CASP8: variants seen among roughly 807,000 people sequenced by gnomAD.
CASP8 encodes caspase 8.
In CASP8, 24 loss-of-function variants were observed where a neutral mutation model predicts 46.3. The observed-to-expected ratio is 0.52, with a 90% CI of 0.38 to 0.73. The LOEUF (loss-of-function observed/expected upper bound fraction) is 0.73. Among genes scored for constraint, CASP8 ranks in the 30% least tolerant of loss-of-function variants. CASP8 has a pLI of 0.00. For missense variants in CASP8, 460 were observed against 559.0 expected (o/e 0.82, Z 1.79); for synonymous variants, 188 against 200.4 (o/e 0.94, Z 0.52).
Position 201,266,450 on chromosome 2 carries a change from T to C in CASP8, c.-26-11T>C. On this transcript the variant is annotated splice_polypyrimidine_tract_variant and intron_variant, in intron 1 of 8. Transcript: ENST00000673742. This position sits in a 1 kb window ranked among gnomAD's most constrained non-coding sequence, Gnocchi z 5.7. Reference sequence around the variant, plus strand: ...CTTCCTTATCTGAACATACCATTTATTTTGACTTAGATTATATTCTCCTGC... The same window carrying C: ...CTTCCTTATCTGAACATACCATTTACTTTGACTTAGATTATATTCTCCTGC... The C allele has an allele frequency of 1.2e-6, 2 of 1,600,288 alleles. No homozygotes were observed. The highest frequency in any genetic ancestry group is 2.2e-5 in the South Asian group (2 of 90,838).
At chr2:201,252,149 C>A (rs1946815527) in intron 2 of CASP8, among the ~76,000 whole-genome samples, 1 of 152,120 alleles carries the variant, frequency 6.6e-6, no homozygotes, top group Non-Finnish European at 1.5e-5. Flanking sequence ...TATTTGCCAT[C>A]TGTATATGTT....
chr2:201,283,998 A>G (rs1949366773), intron 7 of CASP8, among the ~76,000 whole-genome samples: 1 of 11,858 alleles, frequency 8.4e-5, no homozygotes, highest in Admixed American at 3.9e-4. Context: ...CACCTCCCAG[A>G]CAGGGTTGCG....
chr2:201,258,353 C>A, upstream of CASP8: 1 of 1,614,010 alleles, frequency 6.2e-7, no homozygotes, highest in Non-Finnish European at 8.5e-7. Flanking sequence ...GACTCGGAGA[C>A]TGCGATGGTG....
intron 2 of CASP8, chr2:201,241,474 C>T (rs1271977711): frequency 6.6e-6 from 1 of 152,094 alleles, no homozygotes; most frequent in Non-Finnish European, 1.5e-5. Context: ...TTCACAAAAC[C>T]TTCCAATCTA....
chr2:201,278,996 A>T (rs1371061570), intron 7 of CASP8, among the ~76,000 whole-genome samples: 1 of 152,238 alleles, frequency 6.6e-6, no homozygotes, highest in Non-Finnish European at 1.5e-5. Flanking sequence ...GTTGAAAAAA[A>T]AGAGTCGAGG....
chr2:201,270,800 G>T (rs1346557648), intron 2 of CASP8, among the ~76,000 whole-genome samples: 1 of 152,144 alleles, frequency 6.6e-6, no homozygotes, highest in African/African-American at 2.4e-5. Flanking sequence ...CTCCTAATGC[G>T]CTGGAATTAG....
In CASP8 at chr2:201,260,603, G is replaced by GT. The variant is rs1947318448; in HGVS notation, c.-36dup. ...GGCCTGTGACGAAGGTGCTACCATC[G>GT]TGAGAGTAAGGTAAGGATTTGCCTC... On this transcript the variant is annotated 5_prime_UTR_variant, in exon 1 of 9. An upstream open reading frame in the 5' UTR loses its in-frame stop. Transcript: ENST00000673742. The GT allele has an allele frequency of 1.4e-5, 14 of 979,154 alleles. 1 individual carries two copies. The South Asian group carries it at 6.6e-4, about 46-fold the overall frequency. 60.7% of individuals were successfully genotyped at this position (979,154 alleles called of 1,614,324 possible).
upstream of CASP8, among the ~76,000 whole-genome samples, chr2:201,259,456 A>G (rs1947232683): frequency 6.6e-6 from 1 of 152,210 alleles, no homozygotes; most frequent in African/African-American, 2.4e-5. Context: ...GATTACATGC[A>G]TGAGCCACGG....
intron 7 of CASP8, among the ~76,000 whole-genome samples, chr2:201,282,939 C>A (rs1949202496): frequency 2.8e-5 from 2 of 72,158 alleles, no homozygotes; most frequent in African/African-American, 8.4e-5. Flanking sequence ...GCTGGCCAGG[C>A]AGGGGGCTGA....
intron 7 of CASP8, chr2:201,281,742 A>T: frequency 1.4e-6 from 1 of 732,066 alleles, no homozygotes; most frequent in Non-Finnish European, 2.1e-6. Context: ...GTTCAGTAGT[A>T]AGCCTAAATG....
intron 2 of CASP8, among the ~76,000 whole-genome samples, chr2:201,268,998 G>A (rs1948041451): frequency 6.6e-6 from 1 of 150,824 alleles, no homozygotes; most frequent in African/African-American, 2.4e-5. Flanking sequence ...GAGTGCAGTG[G>A]CATGATCTCG....
chr2:201,263,978 C>A (rs149071977), intron 1 of CASP8, among the ~76,000 whole-genome samples: 3 of 152,232 alleles, frequency 2.0e-5, no homozygotes, highest in Non-Finnish European at 4.4e-5. Context: ...TCACACTGCA[C>A]GCCCACATCT....
chr2:201,245,068 G>A (rs1396548680), intron 2 of CASP8, among the ~76,000 whole-genome samples: 2 of 152,222 alleles, frequency 1.3e-5, no homozygotes, highest in Non-Finnish European at 1.5e-5. Flanking sequence ...GCTTGGAGGC[G>A]ATAGAGAGCA....
At chr2:201,273,372 T>C (rs7578261) in intron 5 of CASP8, among the ~76,000 whole-genome samples, 20,248 of 152,254 alleles carry the variant, frequency 0.13, 2,467 homozygotes, top group African/African-American at 0.32. Context: ...CCTGCTCTCC[T>C]AAGACCTGTA....
intron 8 of CASP8, among the ~76,000 whole-genome samples, chr2:201,286,068 T>C (rs1483540442): frequency 6.6e-6 from 1 of 152,200 alleles, no homozygotes; most frequent in Non-Finnish European, 1.5e-5. Context: ...TCACTTGCCT[T>C]AAGTTTAATT....
At chr2:201,281,580 T>G (rs1189079429) in intron 7 of CASP8, among the ~76,000 whole-genome samples, 2 of 150,676 alleles carry the variant, frequency 1.3e-5, no homozygotes, top group African/African-American at 5.0e-5. Flanking sequence ...TTGTATAAGG[T>G]CTTCTAGTTC....
At chr2:201,262,478 A>T (rs561286359) in intron 1 of CASP8, among the ~76,000 whole-genome samples, 1 of 151,990 alleles carries the variant, frequency 6.6e-6, no homozygotes, top group South Asian at 2.1e-4. Context: ...TTTAGCAGAG[A>T]TTATATAAAA....
intron 1 of CASP8, among the ~76,000 whole-genome samples, chr2:201,265,458 C>T (rs1947741236): frequency 6.6e-6 from 1 of 151,948 alleles, no homozygotes; most frequent in African/African-American, 2.4e-5. Context: ...CAAAGACATA[C>T]AGAGGGATAT....
chr2:201,274,867 T>G (rs1179465819), intron 5 of CASP8, 22 bp from the exon 6 acceptor site: 3 of 1,586,818 alleles, frequency 1.9e-6, no homozygotes, highest in Non-Finnish European at 2.6e-6. Flanking sequence ...TCATTCTAGA[T>G]GTGTCTCTTC....
Sources: allele counts gnomAD v4.1 joint callset (sites outside exome capture counted in the v4.1 genomes callset), GRCh38; gene constraint gnomAD v4.1.1; non-coding constraint Gnocchi (gnomAD v3.1); transcripts MANE v1.5; gene names NCBI Gene and HGNC (gene_info 2026-07-23, HGNC 2026-07-21).